Variants in CTNNA2 observed in about 807,000 individuals in gnomAD.
The protein encoded by CTNNA2 is catenin alpha-2.
In CTNNA2, 42 loss-of-function variants were observed where a neutral mutation model predicts 101.0. The ratio of observed to expected loss-of-function variants is 0.42; its 90% CI spans 0.32 to 0.54. The LOEUF (loss-of-function observed/expected upper bound fraction) is 0.54. Among genes scored for constraint, CTNNA2 ranks in the 20% least tolerant of loss-of-function variants. The pLI is 0.14. For missense variants in CTNNA2, 871 were observed against 1,223.1 expected (o/e 0.71, Z 4.29); for synonymous variants, 450 against 456.4 (o/e 0.99, Z 0.18).
At chr2:80,213,285 A>G (rs1175281618) in intron 7 of CTNNA2, among the ~76,000 whole-genome samples, 1 of 151,818 alleles carries the variant, frequency 6.6e-6, no homozygotes, top group Admixed American at 6.6e-5. Flanking sequence ...TTGCTTCTCT[A>G]GTTCTTTTAA....
At chr2:79,637,238 C>G (rs1680135920) in intron 1 of CTNNA2, among the ~76,000 whole-genome samples, 1 of 152,012 alleles carries the variant, frequency 6.6e-6, no homozygotes, top group Non-Finnish European at 1.5e-5. Context: ...TTTCCACTGC[C>G]TGGAAAGAGC....
intron 4 of CTNNA2, among the ~76,000 whole-genome samples, chr2:79,395,081 A>G (rs1048880525): frequency 6.6e-6 from 1 of 152,144 alleles, no homozygotes; most frequent in African/African-American, 2.4e-5. Context: ...TGTGTAGCCT[A>G]GTGCAATACT....
Position 80,381,885 on chromosome 2 carries a change from C to G in CTNNA2, c.1057-11326C>G. Among the ~76,000 whole-genome samples, 2 of 152,198 alleles carry G rather than the reference C, an allele frequency of 1.3e-5. 1 individual carries two copies. The highest frequency in any genetic ancestry group is 2.9e-5 in the Non-Finnish European group (2 of 68,036). On this transcript the variant is annotated intron_variant, in intron 7 of 18. Coordinates refer to ENST00000402739, the MANE Select transcript of CTNNA2 (RefSeq NM_001282597.3). ...CCTACTGTTTTCAAGCTTATCTACT[C>G]CCACCACTCACTACTTTGATAAAAG...
intron 4 of CTNNA2, among the ~76,000 whole-genome samples, chr2:79,411,351 T>C (rs1426936992): frequency 6.6e-6 from 1 of 152,048 alleles, no homozygotes; most frequent in East Asian, 1.9e-4. Context: ...AGCTTTTGAA[T>C]GTGTTTGCTC....
intron 7 of CTNNA2, among the ~76,000 whole-genome samples, chr2:80,176,481 G>T (rs1262335828): frequency 6.6e-6 from 1 of 152,176 alleles, no homozygotes; most frequent in Non-Finnish European, 1.5e-5. Context: ...GTCATAGCTG[G>T]TATTGATGAC....
intron 7 of CTNNA2, among the ~76,000 whole-genome samples, chr2:80,255,026 A>G (rs1672033707): frequency 1.3e-5 from 2 of 152,120 alleles, no homozygotes; most frequent in Admixed American, 1.3e-4. Flanking sequence ...TATCCTGAGC[A>G]GGTCTAGGGG....
chr2:79,798,473 T>G (rs577225927), intron 3 of CTNNA2, among the ~76,000 whole-genome samples: 2 of 152,158 alleles, frequency 1.3e-5, no homozygotes, highest in Non-Finnish European at 2.9e-5. Context: ...TTTGAAATCT[T>G]AATTATTTTT....
intron 7 of CTNNA2, among the ~76,000 whole-genome samples, chr2:80,018,828 A>G (rs1694349873): frequency 6.6e-6 from 1 of 151,602 alleles, no homozygotes; most frequent in Non-Finnish European, 1.5e-5. Flanking sequence ...TTGGAGATCC[A>G]GTTTACCTAT....
intron 1 of CTNNA2, among the ~76,000 whole-genome samples, chr2:79,597,300 G>A (rs1215454459): frequency 6.6e-6 from 1 of 151,736 alleles, no homozygotes; most frequent in South Asian, 2.1e-4. Flanking sequence ...GTGAAACCCC[G>A]TCTCTACTAA....
chr2:79,720,486 T>C (rs1169209910), intron 2 of CTNNA2, among the ~76,000 whole-genome samples: 1 of 152,156 alleles, frequency 6.6e-6, no homozygotes, highest in Admixed American at 6.5e-5. Flanking sequence ...TTAGGCACTA[T>C]GGTCATTTTA....
At chr2:80,068,340 A>G (rs958368900) in intron 7 of CTNNA2, among the ~76,000 whole-genome samples, 13 of 152,342 alleles carry the variant, frequency 8.5e-5, no homozygotes, top group African/African-American at 3.1e-4. Context: ...ACTAGGTAAC[A>G]GGGAGGTCAT....
chr2:79,965,827 C>CAAAAAAAAAA (rs10686940), intron 7 of CTNNA2, among the ~76,000 whole-genome samples: 30 of 77,966 alleles, frequency 3.8e-4, no homozygotes, highest in East Asian at 1.4e-3. Context: ...GAGACTATGT[C>CAAAAAAAAAA]AAAAAAAAAA....
chr2:80,624,935 A>T (rs1671531931), intron 18 of CTNNA2, among the ~76,000 whole-genome samples: 2 of 151,936 alleles, frequency 1.3e-5, no homozygotes, highest in Admixed American at 1.3e-4. Context: ...TGGCTCTGTC[A>T]TTGCCCTTGT....
At chr2:79,855,361 C>T (rs1681045210) in intron 3 of CTNNA2, among the ~76,000 whole-genome samples, 1 of 152,156 alleles carries the variant, frequency 6.6e-6, no homozygotes, top group Non-Finnish European at 1.5e-5. Context: ...GGCTTTGAAG[C>T]AGTAGTGCTG....
intron 2 of CTNNA2, among the ~76,000 whole-genome samples, chr2:79,203,740 C>T (rs1379498412): frequency 6.6e-6 from 1 of 152,184 alleles, no homozygotes; most frequent in East Asian, 1.9e-4. Context: ...AAGCATTAAC[C>T]ACTGCTCTTA....
chr2:79,973,771 T>C (rs911634193), intron 7 of CTNNA2, among the ~76,000 whole-genome samples: 1 of 152,190 alleles, frequency 6.6e-6, no homozygotes, highest in Non-Finnish European at 1.5e-5. Context: ...TTGAGGTAAT[T>C]ATCCTTAGCT....
intron 7 of CTNNA2, among the ~76,000 whole-genome samples, chr2:80,354,327 A>G (rs723525): frequency 0.39 from 59,126 of 151,946 alleles, 14,138 homozygotes; most frequent in African/African-American, 0.68. Flanking sequence ...GAGGAGAGGA[A>G]GGGGGAGGAT....
intron 7 of CTNNA2, among the ~76,000 whole-genome samples, chr2:80,360,766 A>G (rs547797452): frequency 1.7e-4 from 26 of 152,084 alleles, no homozygotes; most frequent in Non-Finnish European, 3.4e-4. Flanking sequence ...AAGTTAATCT[A>G]CAATGATAGC....
intron 7 of CTNNA2, among the ~76,000 whole-genome samples, chr2:80,019,342 A>G (rs1309315787): frequency 1.3e-5 from 2 of 152,220 alleles, no homozygotes; most frequent in Non-Finnish European, 2.9e-5. Context: ...TGGTTGAAAT[A>G]TAGTTTGCAA....
Sources: gnomAD v4.1 joint callset for allele counts (sites outside exome capture counted in the v4.1 genomes callset) on GRCh38, gnomAD v4.1.1 for gene constraint, MANE v1.5 for transcripts, NCBI Gene and HGNC (gene_info 2026-07-23, HGNC 2026-07-21) for gene names.